Variants in ANKS1B observed in about 807,000 individuals in gnomAD.
The protein encoded by ANKS1B is ankyrin repeat and sterile alpha motif domain containing 1B.
Under a neutral mutation model 148.3 loss-of-function variants are expected in ANKS1B, and 36 were observed. The observed-to-expected ratio is 0.24, with a 90% CI of 0.19 to 0.32. The LOEUF (loss-of-function observed/expected upper bound fraction) is 0.32, where lower values mean the gene tolerates loss of function less well. Ranked by LOEUF, ANKS1B falls within the 10% of genes least tolerant of loss-of-function variation. The pLI, the probability that ANKS1B is intolerant of heterozygous loss-of-function variation, is 1.00. For synonymous variants in ANKS1B, 542 were observed against 560.8 expected (o/e 0.97, Z 0.47); for missense variants, 1,157 against 1,542.6 (o/e 0.75, Z 4.19).
At position 99,363,861 on chromosome 12, in the gene ANKS1B, C is replaced by T. The variant is rs78541137; in HGVS notation, c.1756+35770G>A. Among the ~76,000 whole-genome samples the T allele has an allele frequency of 7.3e-3, 1,116 of 152,142 alleles. 8 individuals carry two copies. Among genetic ancestry groups the T allele is most frequent in the African/African-American group, 0.024 (996 of 41,536 alleles). ...AGACAGAAGCCAACTTACATGTAAA[C>T]GGGAGATATATTCATTTGAGACCAC... On this transcript the variant is annotated intron_variant, in intron 12 of 26. Transcript: ENST00000683438.
chr12:99,340,521 T>C (rs1396677173), intron 12 of ANKS1B, among the ~76,000 whole-genome samples: 1 of 151,906 alleles, frequency 6.6e-6, no homozygotes, highest in African/African-American at 2.4e-5. Context: ...CTAGATGGTA[T>C]ATATTTTTTA....
At chr12:99,185,647 G>T (rs942279946) in intron 14 of ANKS1B, among the ~76,000 whole-genome samples, 1 of 152,158 alleles carries the variant, frequency 6.6e-6, no homozygotes, top group African/African-American at 2.4e-5. Context: ...GGGGTCGGGG[G>T]ACTCCCTCCC....
At chr12:98,847,504 T>G (rs7312816) in intron 17 of ANKS1B, among the ~76,000 whole-genome samples, 15,898 of 152,222 alleles carry the variant, frequency 0.1, 2,656 homozygotes, top group African/African-American at 0.35. Flanking sequence ...TTTATTCATC[T>G]AATGATGGAA....
intron 8 of ANKS1B, among the ~76,000 whole-genome samples, chr12:99,716,338 C>A (rs1441422758): frequency 6.6e-6 from 1 of 151,976 alleles, no homozygotes; most frequent in African/African-American, 2.4e-5. Flanking sequence ...CGCCCCGACA[C>A]CTTTCCCACT....
intron 10 of ANKS1B, among the ~76,000 whole-genome samples, chr12:99,456,915 C>CA (rs1301613036): frequency 6.6e-6 from 1 of 152,092 alleles, no homozygotes; most frequent in Admixed American, 6.5e-5. Flanking sequence ...ACAAAAAGCT[C>CA]AAAAAACACC....
At chr12:98,761,388 G>A (rs2098402556) in intron 25 of ANKS1B, among the ~76,000 whole-genome samples, 1 of 152,076 alleles carries the variant, frequency 6.6e-6, no homozygotes, top group Non-Finnish European at 1.5e-5. Context: ...GAAGGGAAGG[G>A]GTATACTTTT....
At chr12:99,930,513 T>C (rs2094586598) in intron 1 of ANKS1B, among the ~76,000 whole-genome samples, 4 of 152,162 alleles carry the variant, frequency 2.6e-5, no homozygotes. Flanking sequence ...CTGATTGCCC[T>C]GGCCAGAACT....
At chr12:99,820,094 C>T (rs1000893862) in intron 2 of ANKS1B, among the ~76,000 whole-genome samples, 29 of 90,240 alleles carry the variant, frequency 3.2e-4, no homozygotes, top group African/African-American at 1.2e-3. Context: ...ATTTATAATA[C>T]TTGCAGTAAA....
At chr12:99,874,209 C>G (rs1452932860) in intron 1 of ANKS1B, among the ~76,000 whole-genome samples, 1 of 151,894 alleles carries the variant, frequency 6.6e-6, no homozygotes, top group Non-Finnish European at 1.5e-5. Flanking sequence ...GCAATCAGAC[C>G]AATGCAATTT....
At chr12:99,468,455 A>C (rs1595424754) in intron 10 of ANKS1B, among the ~76,000 whole-genome samples, 4 of 152,308 alleles carry the variant, frequency 2.6e-5, no homozygotes, top group African/African-American at 9.6e-5. Flanking sequence ...TAATTAAACT[A>C]AAGAGCTTCT....
intron 17 of ANKS1B, among the ~76,000 whole-genome samples, chr12:98,971,590 G>T (rs770926911): frequency 6.6e-6 from 1 of 152,168 alleles, no homozygotes; most frequent in Non-Finnish European, 1.5e-5. Context: ...TTATGACATG[G>T]TACGGATAAC....
At chr12:99,813,265 T>C (rs2068655983) in intron 2 of ANKS1B, among the ~76,000 whole-genome samples, 2 of 151,608 alleles carry the variant, frequency 1.3e-5, no homozygotes. Context: ...TATATCAAAA[T>C]ATATGTCAAC....
At chr12:99,126,585 T>C (rs1262800334) in intron 15 of ANKS1B, among the ~76,000 whole-genome samples, 5 of 152,248 alleles carry the variant, frequency 3.3e-5, no homozygotes, top group South Asian at 2.1e-4. Context: ...ATGACTTTGA[T>C]TGCATCCTTG....
chr12:98,832,567 C>G (rs1177966213), intron 17 of ANKS1B, among the ~76,000 whole-genome samples: 1 of 152,172 alleles, frequency 6.6e-6, no homozygotes, highest in Admixed American at 6.5e-5. Context: ...GCTCCACATT[C>G]ATTCTCACCT....
chr12:99,449,525 T>C (rs2095690689), intron 10 of ANKS1B, among the ~76,000 whole-genome samples: 1 of 152,140 alleles, frequency 6.6e-6, no homozygotes, highest in African/African-American at 2.4e-5. Flanking sequence ...AAAATGCAAA[T>C]GATTAACTAC....
chr12:99,689,270 T>C (rs1209667064), intron 8 of ANKS1B, among the ~76,000 whole-genome samples: 1 of 152,208 alleles, frequency 6.6e-6, no homozygotes, highest in Non-Finnish European at 1.5e-5. Flanking sequence ...AAGACAAATC[T>C]CTCTAAGAAG....
rs189725988 is a variant in ANKS1B, at chr12:99,192,476, A to C, written c.2420-38081T>G. On this transcript the variant is annotated intron_variant, in intron 14 of 26. Coordinates refer to ENST00000683438, the MANE Select transcript of ANKS1B (RefSeq NM_001352186.2). ...TTTGTACTATCTGAAATACATGTTC[A>C]GTACTATTCAATACTTTATTAAAAG... 2.7e-4 allele frequency among the ~76,000 whole-genome samples: 41 copies of C among 152,278 alleles called. No individual in the cohort carries two copies. The East Asian group carries it at 6.9e-3, about 26-fold the overall frequency.
At chr12:98,753,135 G>T (rs2153406198) in intron 25 of ANKS1B, among the ~76,000 whole-genome samples, 1 of 152,314 alleles carries the variant, frequency 6.6e-6, no homozygotes, top group Admixed American at 6.5e-5. Context: ...AGCAGCGCCT[G>T]GGAGAAAAGT....
At position 98,767,095 on chromosome 12, in the gene ANKS1B, C is replaced by T. The variant is rs1216972549; in HGVS notation, c.3579+5947G>A. On this transcript the variant is annotated intron_variant, in intron 25 of 26. Coordinates refer to ENST00000683438, the MANE Select transcript of ANKS1B (RefSeq NM_001352186.2). The stretch of plus-strand genomic sequence containing the variant: ...CAGCCTCCCAAAGTGCTGGGGATTA[C>T]AGGCATGAGCTACTGTGCCCAGCCA... Among the ~76,000 whole-genome samples the T allele has an allele frequency of 6.6e-5, 10 of 151,854 alleles. No homozygotes were observed. In the East Asian group the frequency reaches 1.7e-3, roughly 26 times the overall value.
Sources: allele counts gnomAD v4.1 joint callset (sites outside exome capture counted in the v4.1 genomes callset), GRCh38; gene constraint gnomAD v4.1.1; transcripts MANE v1.5; gene names NCBI Gene and HGNC (gene_info 2026-07-23, HGNC 2026-07-21).